Variants in LRRC37A2 observed in about 807,000 individuals in gnomAD.
LRRC37A2 encodes leucine rich repeat containing 37 member A2.
LRRC37A2 carries 9 observed loss-of-function variants against 68.8 expected under a neutral mutation model. The ratio of observed to expected loss-of-function variants is 0.13; its 90% confidence interval spans 0.08 to 0.23. The LOEUF (loss-of-function observed/expected upper bound fraction) is 0.23. Among genes scored for constraint, LRRC37A2 ranks in the 10% least tolerant of loss-of-function variants. The pLI, the probability that LRRC37A2 is intolerant of heterozygous loss-of-function variation, is 1.00. For missense variants in LRRC37A2, 168 were observed against 950.4 expected (o/e 0.18, Z 10.82); for synonymous variants, 63 against 367.6 (o/e 0.17, Z 9.48).
chr17:46,809,301 T>C, the LRRC37A2 span, among the ~76,000 whole-genome samples: 3 of 152,254 alleles, frequency 2.0e-5, no homozygotes, highest in African/African-American at 7.2e-5. Flanking sequence ...TCCTGCTCAC[T>C]CACAGCACAA....
the LRRC37A2 span, among the ~76,000 whole-genome samples, chr17:46,898,847 G>A: frequency 1.1e-4 from 17 of 152,208 alleles, no homozygotes; most frequent in South Asian, 4.2e-4. Flanking sequence ...TCTGGAAAAC[G>A]GTCTGGCAGT....
chr17:46,803,626 C>T, the LRRC37A2 span, among the ~76,000 whole-genome samples: 574 of 152,348 alleles, frequency 3.8e-3, 5 homozygotes, highest in African/African-American at 0.013. Flanking sequence ...ATAAAGTTCA[C>T]GCTAGACAAT....
the LRRC37A2 span, among the ~76,000 whole-genome samples, chr17:46,812,411 C>A: frequency 6.6e-6 from 1 of 152,076 alleles, no homozygotes. Context: ...CTATAAATCA[C>A]CTTCTGAATC....
the LRRC37A2 span, among the ~76,000 whole-genome samples, chr17:47,027,191 T>C: frequency 3.9e-5 from 6 of 152,178 alleles, no homozygotes. Flanking sequence ...ATTACAGGAC[T>C]GAGCCACCGC....
At chr17:46,742,502 T>G in the LRRC37A2 span, among the ~76,000 whole-genome samples, 1,466 of 152,284 alleles carry the variant, frequency 9.6e-3, 31 homozygotes, top group African/African-American at 0.03. Flanking sequence ...TAGCAAGAAA[T>G]ACAGTAAATA....
At chr17:47,030,364 GA>G in the LRRC37A2 span, among the ~76,000 whole-genome samples, 2 of 143,828 alleles carry the variant, frequency 1.4e-5, no homozygotes, top group Non-Finnish European at 3.0e-5. Context: ...ATGCTGATGG[GA>G]AAACATATGA....
At chr17:46,774,623 C>A in the LRRC37A2 span, among the ~76,000 whole-genome samples, 1 of 152,198 alleles carries the variant, frequency 6.6e-6, no homozygotes, top group African/African-American at 2.4e-5. Context: ...ATCTCACTGC[C>A]CACACCCAAC....
At chr17:47,024,969 T>C in the LRRC37A2 span, among the ~76,000 whole-genome samples, 1 of 149,788 alleles carries the variant, frequency 6.7e-6, no homozygotes, top group Non-Finnish European at 1.5e-5. Flanking sequence ...ACATTTCACA[T>C]GGTAAGAAAA....
At chr17:46,755,719 G>A in the LRRC37A2 span, 9 of 1,156,348 alleles carry the variant, frequency 7.8e-6, no homozygotes, top group Non-Finnish European at 1.1e-5. Context: ...GAAGCTTTTA[G>A]TGATTTTTTT....
the LRRC37A2 span, chr17:46,978,665 C>T: frequency 6.2e-7 from 1 of 1,608,178 alleles, no homozygotes; most frequent in Non-Finnish European, 8.5e-7. Context: ...CCCAGGATGG[C>T]TGCGCCCACG....
the LRRC37A2 span, among the ~76,000 whole-genome samples, chr17:46,992,853 C>CAAAA: frequency 1.0e-2 from 645 of 64,794 alleles, 25 homozygotes; most frequent in Middle Eastern, 0.037. Flanking sequence ...AACTCCATCT[C>CAAAA]AAAAAAAAAA....
At chr17:47,041,479 A>G in the LRRC37A2 span, among the ~76,000 whole-genome samples, 1 of 86,748 alleles carries the variant, frequency 1.2e-5, no homozygotes, top group Admixed American at 1.2e-4. Context: ...TTTTTTTGAG[A>G]CAGAGTCTCA....
chr17:46,932,391 C>A, the LRRC37A2 span: 1 of 644,200 alleles, frequency 1.6e-6, no homozygotes, highest in South Asian at 1.9e-5. Context: ...TTTTCTAAGA[C>A]AAAAACCTGA....
At chr17:46,992,274 A>G in the LRRC37A2 span, among the ~76,000 whole-genome samples, 1 of 148,806 alleles carries the variant, frequency 6.7e-6, no homozygotes, top group African/African-American at 2.4e-5. Context: ...AAGCCGAGGC[A>G]GGAGAATCAC....
At chr17:46,788,294 C>T in the LRRC37A2 span, among the ~76,000 whole-genome samples, 2 of 152,184 alleles carry the variant, frequency 1.3e-5, no homozygotes, top group Non-Finnish European at 2.9e-5. Context: ...CATTTCTCCC[C>T]TTCCTGACCC....
At chr17:46,797,938 T>G in the LRRC37A2 span, among the ~76,000 whole-genome samples, 3 of 152,188 alleles carry the variant, frequency 2.0e-5, no homozygotes, top group Non-Finnish European at 4.4e-5. Flanking sequence ...GTTTTTTGTT[T>G]GTTGGTTTTT....
At chr17:46,989,588 G>A in the LRRC37A2 span, among the ~76,000 whole-genome samples, 33 of 152,344 alleles carry the variant, frequency 2.2e-4, no homozygotes, top group Middle Eastern at 3.4e-3. Context: ...CTGGTTGGTG[G>A]CCACCAGGGT....
the LRRC37A2 span, among the ~76,000 whole-genome samples, chr17:46,779,103 A>ACACACACCCCCCC: frequency 4.5e-5 from 6 of 133,660 alleles, no homozygotes; most frequent in East Asian, 5.1e-4. Context: ...ACACACACAC[A>ACACACACCCCCCC]CCCCAGCCCA....
intron 8 of LRRC37A2, among the ~76,000 whole-genome samples, chr17:46,541,559 G>A (rs1375297143): frequency 6.6e-6 from 1 of 150,790 alleles, no homozygotes; most frequent in Non-Finnish European, 1.5e-5. Flanking sequence ...GCCTCACTCA[G>A]CAGAATTTTT....
Sources: allele counts gnomAD v4.1 joint callset (sites outside exome capture counted in the v4.1 genomes callset), GRCh38; gene constraint gnomAD v4.1.1; transcripts MANE v1.5; gene names NCBI Gene and HGNC (gene_info 2026-07-23, HGNC 2026-07-21).